Variants in DMD observed in about 807,000 individuals in gnomAD.
The protein encoded by DMD is mutant dystrophin.
DMD carries 63 observed loss-of-function variants against 330.1 expected under a neutral mutation model. The ratio of observed to expected loss-of-function variants is 0.19; its 90% CI spans 0.16 to 0.24. The LOEUF is 0.24. DMD is among the 10% of genes least tolerant of loss of function. The pLI is 1.00. For missense variants in DMD, 3,344 were observed against 2,684.1 expected, an observed-to-expected ratio of 1.25 and a Z score of -5.43; for synonymous variants, 1,223 against 959.8, an observed-to-expected ratio of 1.27 and a Z score of -5.07.
intron 15 of DMD, 115 bp from the exon 16 acceptor site, chrX:32,565,996 T>A: frequency 3.1e-6 from 2 of 654,232 alleles, no homozygotes; most frequent in South Asian, 5.1e-5. Flanking sequence ...AATATTTCAA[T>A]CGTGCCCGCA....
intron 2 of DMD, among the ~76,000 whole-genome samples, chrX:32,864,162 C>T (rs910934007): frequency 1.8e-5 from 2 of 110,038 alleles, no homozygotes; most frequent in South Asian, 3.8e-4. Context: ...CAGAAAGATG[C>T]GAGTTACACA....
At chrX:31,915,018 A>G (rs747394060) in intron 47 of DMD, among the ~76,000 whole-genome samples, 6 of 112,335 alleles carry the variant, frequency 5.3e-5, no homozygotes, top group Non-Finnish European at 1.1e-4. Flanking sequence ...TACACCTACT[A>G]TGTACCCACA....
At chrX:33,049,308 C>T (rs981847622) in intron 1 of DMD, among the ~76,000 whole-genome samples, 2 of 111,590 alleles carry the variant, frequency 1.8e-5, no homozygotes, top group Non-Finnish European at 3.8e-5. Flanking sequence ...ACTCAATTGA[C>T]GTCACATACT....
intron 1 of DMD, among the ~76,000 whole-genome samples, chrX:33,102,624 T>C (rs1299754646): frequency 8.9e-6 from 1 of 111,768 alleles, no homozygotes; most frequent in Non-Finnish European, 1.9e-5. Context: ...GAATGCTTTA[T>C]TGATTCCACT....
At chrX:32,719,651 T>G (rs2066066119) in intron 7 of DMD, among the ~76,000 whole-genome samples, 2 of 112,031 alleles carry the variant, frequency 1.8e-5, no homozygotes, top group South Asian at 7.4e-4. Flanking sequence ...CACATGATGC[T>G]TTGAGCATAT....
intron 60 of DMD, 48 bp downstream of exon 60, chrX:31,444,433 A>G (rs927622116): frequency 3.1e-5 from 37 of 1,187,659 alleles, no homozygotes; most frequent in Non-Finnish European, 4.1e-5. Flanking sequence ...TTTTATCTGT[A>G]TATTATTTTA....
chrX:32,579,156 C>T (rs2053381026), intron 13 of DMD, among the ~76,000 whole-genome samples: 2 of 111,662 alleles, frequency 1.8e-5, no homozygotes, highest in South Asian at 3.8e-4. Flanking sequence ...TTTCTACAAA[C>T]TGAACTGAAG....
rs1023418401 is a variant in DMD, at chrX:32,776,566, G to A, written c.649+32927C>T. Among the ~76,000 whole-genome samples, 24 of 110,765 alleles carry A rather than the reference G, an allele frequency of 2.2e-4. 3 individuals are homozygous for A. Among genetic ancestry groups the A allele is most frequent in the Admixed American group, 1.8e-3 (19 of 10,434 alleles). ...TCTTCACAGGGCAGTGGGGTCGGGGGGAAGGCTGTCAAATACTTTTAAACC... is the reference window on the plus strand; with the variant it reads ...TCTTCACAGGGCAGTGGGGTCGGGGAGAAGGCTGTCAAATACTTTTAAACC... On this transcript the variant is annotated intron_variant, in intron 7 of 78. Coordinates refer to ENST00000357033, the MANE Select transcript of DMD (RefSeq NM_004006.3).
At chrX:32,504,410 G>A (rs1398720568) in intron 18 of DMD, among the ~76,000 whole-genome samples, 1 of 111,093 alleles carries the variant, frequency 9.0e-6, no homozygotes, top group African/African-American at 3.3e-5. Context: ...GATCACCTGA[G>A]GTCGGGAGTT....
At chrX:32,401,911 A>G (rs1485563691) in intron 30 of DMD, among the ~76,000 whole-genome samples, 1 of 112,526 alleles carries the variant, frequency 8.9e-6, no homozygotes, top group East Asian at 2.8e-4. Context: ...CAAAATAGAT[A>G]AATGAGTAAA....
At chrX:31,894,523 G>A (rs1303370061) in intron 47 of DMD, among the ~76,000 whole-genome samples, 1 of 111,794 alleles carries the variant, frequency 8.9e-6, no homozygotes, top group Non-Finnish European at 1.9e-5. Flanking sequence ...AAAATGCAGA[G>A]GACCTTACGT....
intron 43 of DMD, among the ~76,000 whole-genome samples, chrX:32,274,186 A>G (rs2097376248): frequency 8.9e-6 from 1 of 112,017 alleles, no homozygotes; most frequent in Admixed American, 9.5e-5. Flanking sequence ...GACAATAATA[A>G]AAATGTTTAT....
intron 50 of DMD, among the ~76,000 whole-genome samples, chrX:31,815,996 T>TA (rs760793117): frequency 8.9e-6 from 1 of 112,143 alleles, no homozygotes; most frequent in Non-Finnish European, 1.9e-5. Context: ...GAGTGCATTT[T>TA]AGACCATCTA....
intron 44 of DMD, among the ~76,000 whole-genome samples, chrX:32,100,172 TA>T (rs1291140855): frequency 9.1e-6 from 1 of 110,373 alleles, no homozygotes; most frequent in Non-Finnish European, 1.9e-5. Flanking sequence ...AACTTTGAAC[TA>T]CCCCATCCCC....
intron 50 of DMD, among the ~76,000 whole-genome samples, chrX:31,818,904 C>T (rs1418963303): frequency 9.0e-6 from 1 of 111,086 alleles, no homozygotes; most frequent in Non-Finnish European, 1.9e-5. Flanking sequence ...TATGATTGTG[C>T]TACCCCAGCT....
At chrX:31,833,572 T>C (rs2093125137) in intron 49 of DMD, among the ~76,000 whole-genome samples, 1 of 111,264 alleles carries the variant, frequency 9.0e-6, no homozygotes, top group Admixed American at 9.6e-5. Flanking sequence ...AGTTGGTTAG[T>C]CAGAGATTTT....
At chrX:32,219,999 A>C (rs1002304780) in intron 43 of DMD, among the ~76,000 whole-genome samples, 1 of 111,424 alleles carries the variant, frequency 9.0e-6, no homozygotes, top group Non-Finnish European at 1.9e-5. Context: ...CCAAGAGAAG[A>C]AAACCGTAAG....
intron 47 of DMD, among the ~76,000 whole-genome samples, chrX:31,888,872 G>A (rs2094193412): frequency 8.9e-6 from 1 of 112,208 alleles, no homozygotes; most frequent in South Asian, 3.6e-4. Flanking sequence ...CAGTGGCATA[G>A]CTCTCGGAAT....
intron 5 of DMD, 23 bp from the exon 6 acceptor site, chrX:32,816,663 A>G (rs1396194299): frequency 6.7e-6 from 8 of 1,190,572 alleles, no homozygotes; most frequent in Non-Finnish European, 9.1e-6. Context: ...ATAAATTTTC[A>G]TAAGAAAATG....
Sources: allele counts gnomAD v4.1 joint callset (sites outside exome capture counted in the v4.1 genomes callset), GRCh38; gene constraint gnomAD v4.1.1; transcripts MANE v1.5; gene names NCBI Gene and HGNC (gene_info 2026-07-23, HGNC 2026-07-21).